Variants in ARL15 observed in about 807,000 individuals in gnomAD.
ARL15 encodes ARF like GTPase 15.
A neutral mutation model predicts 25.2 loss-of-function variants in ARL15; 19 were observed. The observed-to-expected ratio is 0.75, with a 90% CI of 0.53 to 1.10. The LOEUF is 1.10. Ranked by LOEUF, ARL15 falls within the 50% of genes least tolerant of loss-of-function variation. ARL15 has a pLI of 0.00. For missense variants in ARL15, 220 were observed against 246.0 expected (o/e 0.89, Z 0.71); for synonymous variants, 94 against 86.8 (o/e 1.08, Z -0.46).
chr5:54,034,548 G>T (rs962631222), intron 4 of ARL15, among the ~76,000 whole-genome samples: 2 of 152,080 alleles, frequency 1.3e-5, no homozygotes, highest in Non-Finnish European at 2.9e-5. Flanking sequence ...ACTACTTCTG[G>T]AAATATTTCT....
At chr5:54,297,117 A>G (rs148685583) in intron 1 of ARL15, among the ~76,000 whole-genome samples, 6 of 152,354 alleles carry the variant, frequency 3.9e-5, no homozygotes, top group Admixed American at 1.3e-4. Context: ...TCACAGCTCA[A>G]TTACTGGATT....
intron 4 of ARL15, among the ~76,000 whole-genome samples, chr5:54,036,857 T>C (rs565174433): frequency 6.6e-6 from 1 of 152,298 alleles, no homozygotes; most frequent in South Asian, 2.1e-4. Flanking sequence ...TTAGGTGGAA[T>C]TGTAAAGATA....
chr5:53,979,274 T>TATAA (rs1748042599), intron 4 of ARL15, among the ~76,000 whole-genome samples: 1 of 152,206 alleles, frequency 6.6e-6, no homozygotes, highest in African/African-American at 2.4e-5. Context: ...GGCTCACGCC[T>TATAA]ATAATCCCAG....
intron 1 of ARL15, among the ~76,000 whole-genome samples, chr5:54,221,870 C>CAAAAA (rs55914195): frequency 4.3e-5 from 6 of 140,374 alleles, no homozygotes; most frequent in African/African-American, 1.6e-4. Flanking sequence ...CACACACACA[C>CAAAAA]AAAACCCTCA....
intron 1 of ARL15, among the ~76,000 whole-genome samples, chr5:54,283,273 C>T (rs534619356): frequency 5.3e-4 from 80 of 152,232 alleles, no homozygotes; most frequent in African/African-American, 1.8e-3. Flanking sequence ...AGACAATATC[C>T]ACAAGAAACT....
intron 2 of ARL15, among the ~76,000 whole-genome samples, chr5:54,169,064 C>G (rs1191410462): frequency 6.6e-6 from 1 of 152,120 alleles, no homozygotes; most frequent in African/African-American, 2.4e-5. Flanking sequence ...AACCTAACAA[C>G]TAATTCATCA....
chr5:54,259,023 A>G (rs560272146), intron 1 of ARL15, among the ~76,000 whole-genome samples: 2 of 152,314 alleles, frequency 1.3e-5, no homozygotes, highest in Admixed American at 1.3e-4. Flanking sequence ...TCCAGTGGAG[A>G]CACTTTCAAT....
intron 4 of ARL15, among the ~76,000 whole-genome samples, chr5:54,097,370 C>T (rs1278882311): frequency 6.6e-6 from 1 of 152,110 alleles, no homozygotes; most frequent in East Asian, 1.9e-4. Context: ...GCCAATAACA[C>T]TGCCATTTGT....
intron 2 of ARL15, among the ~76,000 whole-genome samples, chr5:54,163,859 G>T (rs1191714566): frequency 6.6e-6 from 1 of 151,788 alleles, no homozygotes; most frequent in Non-Finnish European, 1.5e-5. Context: ...CTAGCTTTTG[G>T]TTTTACTAAT....
intron 1 of ARL15, among the ~76,000 whole-genome samples, chr5:54,201,273 C>T (rs1011227122): frequency 3.3e-5 from 5 of 152,034 alleles, no homozygotes; most frequent in African/African-American, 9.7e-5. Context: ...CCCACACGCT[C>T]CTCACCCTAC....
At chr5:54,225,440 G>A (rs1485225196) in intron 1 of ARL15, among the ~76,000 whole-genome samples, 2 of 152,136 alleles carry the variant, frequency 1.3e-5, no homozygotes, top group East Asian at 3.9e-4. Context: ...GGTCCTTGCC[G>A]ACTTGCAAGA....
chr5:54,148,304 T>C (rs914804862), intron 3 of ARL15, among the ~76,000 whole-genome samples: 1 of 152,194 alleles, frequency 6.6e-6, no homozygotes, highest in Admixed American at 6.5e-5. Flanking sequence ...CCTTTCACTA[T>C]GAGGAGGCGT....
intron 4 of ARL15, chr5:54,075,534 G>C (rs1751570586): frequency 6.5e-6 from 1 of 152,882 alleles, no homozygotes; most frequent in South Asian, 2.1e-4. Flanking sequence ...GCTGGAGTCA[G>C]TGCCACGATC....
At chr5:54,220,361 T>C (rs1256941604) in intron 1 of ARL15, among the ~76,000 whole-genome samples, 1 of 151,630 alleles carries the variant, frequency 6.6e-6, no homozygotes, top group Admixed American at 6.6e-5. Context: ...GAAGGAAAAA[T>C]AGAAACTTCT....
chr5:54,116,391 T>C (rs1752900046), intron 3 of ARL15, among the ~76,000 whole-genome samples: 1 of 151,948 alleles, frequency 6.6e-6, no homozygotes, highest in Non-Finnish European at 1.5e-5. Flanking sequence ...TTGAGAACCA[T>C]CCATAAGCTG....
intron 4 of ARL15, among the ~76,000 whole-genome samples, chr5:54,018,495 G>C (rs1208151895): frequency 2.0e-5 from 3 of 152,172 alleles, no homozygotes; most frequent in Non-Finnish European, 4.4e-5. Context: ...TAAGAAAAAG[G>C]CACCGTCAAA....
intron 4 of ARL15, among the ~76,000 whole-genome samples, chr5:54,087,123 T>A (rs1210078636): frequency 6.6e-6 from 1 of 151,926 alleles, no homozygotes; most frequent in African/African-American, 2.4e-5. Flanking sequence ...GATCACGAGG[T>A]CAGGGGATCA....
At chr5:53,935,749 T>C (rs1746329981) in intron 4 of ARL15, among the ~76,000 whole-genome samples, 1 of 152,136 alleles carries the variant, frequency 6.6e-6, no homozygotes, top group Non-Finnish European at 1.5e-5. Flanking sequence ...GTTTGTTTTT[T>C]TGTTTGTTTG....
chr5:53,953,150 G>A (rs1359706960), intron 4 of ARL15, among the ~76,000 whole-genome samples: 3 of 152,092 alleles, frequency 2.0e-5, no homozygotes, highest in Non-Finnish European at 4.4e-5. Context: ...CTGCAGCTGG[G>A]GTATAGAAAG....
Sources: allele counts gnomAD v4.1 joint callset (sites outside exome capture counted in the v4.1 genomes callset), GRCh38; gene constraint gnomAD v4.1.1; transcripts MANE v1.5; gene names NCBI Gene and HGNC (gene_info 2026-07-23, HGNC 2026-07-21).